CYRIA: variants seen among roughly 807,000 people sequenced by gnomAD.
CYRIA encodes the protein CYFIP related Rac1 interactor A, also known as CYFIP-related Rac1 interactor A.
Under a neutral mutation model 43.9 loss-of-function variants are expected in CYRIA, and 15 were observed. The observed-to-expected ratio is 0.34, with a 90% CI of 0.23 to 0.53. The LOEUF is 0.53. Among genes scored for constraint, CYRIA ranks in the 20% least tolerant of loss-of-function variants. CYRIA has a pLI of 0.94. For missense variants in CYRIA, 236 were observed against 394.2 expected (o/e 0.60, Z 3.40); for synonymous variants, 117 against 136.0 (o/e 0.86, Z 0.97).
chr2:16,610,002 T>C (rs1668536540), intron 2 of CYRIA, among the ~76,000 whole-genome samples: 1 of 152,234 alleles, frequency 6.6e-6, no homozygotes, highest in South Asian at 2.1e-4. Flanking sequence ...TCAGGGATTT[T>C]GGCAGACAGA....
At chr2:16,606,152 C>T (rs183826355) in intron 2 of CYRIA, among the ~76,000 whole-genome samples, 4 of 152,246 alleles carry the variant, frequency 2.6e-5, no homozygotes, top group East Asian at 1.9e-4. Flanking sequence ...CATAGCCATT[C>T]GGGGAAGGCC....
chr2:16,601,273 G>A (rs1047502225), intron 2 of CYRIA, among the ~76,000 whole-genome samples: 2 of 152,110 alleles, frequency 1.3e-5, no homozygotes, highest in Admixed American at 6.5e-5. Flanking sequence ...AAGAATACTG[G>A]GAATCCGGGT....
chr2:16,637,754 A>G (rs1669542737), intron 1 of CYRIA, among the ~76,000 whole-genome samples: 1 of 152,214 alleles, frequency 6.6e-6, no homozygotes. Flanking sequence ...TGTACCTTTC[A>G]TTATACAAAA....
chr2:16,591,422 A>C (rs1667926249), intron 2 of CYRIA, among the ~76,000 whole-genome samples: 1 of 152,214 alleles, frequency 6.6e-6, no homozygotes, highest in African/African-American at 2.4e-5. Context: ...AGAGAAGTAC[A>C]GTTTTTTTAA....
chr2:16,620,334 A>C (rs1668952261), intron 2 of CYRIA, among the ~76,000 whole-genome samples: 1 of 152,184 alleles, frequency 6.6e-6, no homozygotes, highest in Non-Finnish European at 1.5e-5. Flanking sequence ...AGAGAAACAA[A>C]ACTTATGTTC....
intron 3 of CYRIA, among the ~76,000 whole-genome samples, chr2:16,587,309 T>C (rs1667765069): frequency 6.6e-6 from 1 of 152,160 alleles, no homozygotes; most frequent in Non-Finnish European, 1.5e-5. Context: ...GATACAGTAA[T>C]TCATAAACAT....
Position 16,588,389 on chromosome 2 carries a change from T to G in CYRIA, c.-10-260A>C, listed in dbSNP as rs13394588. On this transcript the variant is annotated intron_variant, in intron 2 of 11. Transcript: ENST00000381323. ...AATGATAGAAGTGTTACAATCTCTCTCGAGAGAATACACCTGCAGTCCATA... is the reference window on the plus strand; with the variant it reads ...AATGATAGAAGTGTTACAATCTCTCGCGAGAGAATACACCTGCAGTCCATA... 4.4e-3 allele frequency among the ~76,000 whole-genome samples: 670 copies of G among 151,122 alleles called. 6 individuals carry two copies. The highest frequency in any genetic ancestry group is 0.015 in the African/African-American group (611 of 41,036).
chr2:16,571,611 T>A (rs1441758699), intron 3 of CYRIA, among the ~76,000 whole-genome samples: 1 of 152,212 alleles, frequency 6.6e-6, no homozygotes, highest in Non-Finnish European at 1.5e-5. Flanking sequence ...TAAGATAATG[T>A]GAGTAGAAAA....
chr2:16,584,243 C>T (rs748160970), intron 3 of CYRIA, among the ~76,000 whole-genome samples: 4 of 152,146 alleles, frequency 2.6e-5, no homozygotes, highest in Non-Finnish European at 4.4e-5. Context: ...CTCTGCAGCA[C>T]TGAATCCATT....
At chr2:16,560,697 A>T (rs1214613255) in intron 9 of CYRIA, 1 of 433,882 alleles carries the variant, frequency 2.3e-6, no homozygotes, top group Non-Finnish European at 4.2e-6. Context: ...CACACCCTCC[A>T]TTTGGTTCTT....
chr2:16,589,976 G>GAA (rs1667864358), intron 2 of CYRIA, among the ~76,000 whole-genome samples: 1 of 152,008 alleles, frequency 6.6e-6, no homozygotes, highest in East Asian at 1.9e-4. Context: ...AACAGCGTTG[G>GAA]AAAAATGAAT....
intron 1 of CYRIA, among the ~76,000 whole-genome samples, chr2:16,641,318 G>A (rs558818663): frequency 6.6e-6 from 1 of 152,174 alleles, no homozygotes; most frequent in South Asian, 2.1e-4. Context: ...CTTCTCCTCC[G>A]TATGCCACGC....
intron 1 of CYRIA, among the ~76,000 whole-genome samples, chr2:16,643,130 A>G (rs73213538): frequency 1.1e-3 from 170 of 151,830 alleles, no homozygotes; most frequent in African/African-American, 3.8e-3. Flanking sequence ...TAACATTATT[A>G]AAGTTATTAT....
At chr2:16,619,824 A>G (rs887730397) in intron 2 of CYRIA, among the ~76,000 whole-genome samples, 4 of 152,198 alleles carry the variant, frequency 2.6e-5, no homozygotes, top group Non-Finnish European at 5.9e-5. Context: ...ATGACAGAGA[A>G]ATGAATGTTG....
intron 1 of CYRIA, among the ~76,000 whole-genome samples, chr2:16,658,473 A>T (rs1365961253): frequency 6.6e-6 from 1 of 152,234 alleles, no homozygotes; most frequent in African/African-American, 2.4e-5. Context: ...CACAAACTGG[A>T]AAACTTAGCA....
chr2:16,559,388 G>A, intron 10 of CYRIA, 72 bp downstream of exon 10: 1 of 1,542,702 alleles, frequency 6.5e-7, no homozygotes, highest in South Asian at 1.2e-5. Flanking sequence ...TGAGGTGCCT[G>A]AGGAAGAAAA....
intron 1 of CYRIA, among the ~76,000 whole-genome samples, chr2:16,663,605 C>T (rs540257779): frequency 1.9e-4 from 29 of 151,660 alleles, no homozygotes; most frequent in African/African-American, 7.0e-4. Flanking sequence ...ACTCTGGGTC[C>T]CTGACTTATC....
At chr2:16,593,997 G>T (rs1187717698) in intron 2 of CYRIA, among the ~76,000 whole-genome samples, 13 of 79,762 alleles carry the variant, frequency 1.6e-4, no homozygotes, top group Admixed American at 5.1e-4. Flanking sequence ...TTGTTCTTGC[G>T]ATAGTTTACT....
intron 2 of CYRIA, among the ~76,000 whole-genome samples, chr2:16,617,805 T>A (rs1044961773): frequency 1.3e-5 from 2 of 152,220 alleles, no homozygotes; most frequent in African/African-American, 2.4e-5. Context: ...AGGACTCTTT[T>A]GGGAGTTGGG....
Sources: allele counts gnomAD v4.1 joint callset (sites outside exome capture counted in the v4.1 genomes callset), GRCh38; gene constraint gnomAD v4.1.1; transcripts MANE v1.5; gene names NCBI Gene and HGNC (gene_info 2026-07-23, HGNC 2026-07-21).